Variants in OLFM2 observed in about 807,000 individuals in gnomAD.
OLFM2 encodes olfactomedin 2.
In OLFM2, 20 loss-of-function variants were observed where a neutral mutation model predicts 43.9. That is an observed-to-expected ratio of 0.46 (90% confidence interval 0.32 to 0.66). The LOEUF (loss-of-function observed/expected upper bound fraction) is 0.66. OLFM2 is among the 30% of genes least tolerant of loss of function. The pLI is 0.04. For missense variants in OLFM2, 416 were observed against 643.6 expected, an observed-to-expected ratio of 0.65 and a Z score of 3.83; for synonymous variants, 268 against 278.6, an observed-to-expected ratio of 0.96 and a Z score of 0.38.
intron 1 of OLFM2, among the ~76,000 whole-genome samples, chr19:9,927,153 G>A (rs760413769): frequency 5.9e-5 from 9 of 151,504 alleles, no homozygotes; most frequent in Admixed American, 3.3e-4. Context: ...GTGGTAGCAC[G>A]CGCCTGTTAA....
At position 9,869,644 on chromosome 19, in the gene OLFM2, T is replaced by C. The variant is rs150967828; in HGVS notation, c.64-8850A>G. On this transcript the variant is annotated intron_variant, in intron 1 of 5. Coordinates refer to ENST00000264833, the MANE Select transcript of OLFM2 (RefSeq NM_058164.4). ...TATTTTTATTTTTTAAGAGACAGGG[T>C]GTCACTCTATCGTCCAGGCTGGAGT... Among the ~76,000 whole-genome samples the C allele has an allele frequency of 6.8e-4, 104 of 152,272 alleles. No homozygotes were observed. The East Asian group carries it at 0.019, about 27-fold the overall frequency.
intron 1 of OLFM2, among the ~76,000 whole-genome samples, chr19:9,908,768 G>C (rs981656141): frequency 2.0e-5 from 3 of 151,728 alleles, no homozygotes. Context: ...TGAGCCACCG[G>C]GTTTCACCAT....
In OLFM2 at chr19:9,856,007, C is replaced by A. The variant is rs2046314079; in HGVS notation, c.687+800G>T. 1.3e-5 allele frequency among the ~76,000 whole-genome samples: 2 copies of A among 152,174 alleles called. No homozygotes were observed. The highest frequency in any genetic ancestry group is 2.9e-5 in the Non-Finnish European group (2 of 68,042). ...GATAAGACATCACTTGAATTCACTG[C>A]CATGGTTAACTAACCCCTGTCACCA... On this transcript the variant is annotated intron_variant, in intron 5 of 5. Coordinates refer to ENST00000264833, the MANE Select transcript of OLFM2 (RefSeq NM_058164.4). This position sits in a 1 kb window ranked among gnomAD's most constrained non-coding sequence, Gnocchi z 4.0.
chr19:9,928,678 G>A (rs1263082227), intron 1 of OLFM2, among the ~76,000 whole-genome samples: 1 of 151,774 alleles, frequency 6.6e-6, no homozygotes. Flanking sequence ...GGTGGTGCAC[G>A]CCTGTAGTCC....
chr19:9,922,934 A>G (rs1244823073), intron 1 of OLFM2, among the ~76,000 whole-genome samples: 1 of 151,698 alleles, frequency 6.6e-6, no homozygotes, highest in South Asian at 2.1e-4. Context: ...AAGAAAGAAA[A>G]AAAGAAAAGA....
chr19:9,867,307 G>A (rs566181871), intron 1 of OLFM2, among the ~76,000 whole-genome samples: 287 of 152,254 alleles, frequency 1.9e-3, no homozygotes, highest in African/African-American at 6.7e-3. Context: ...GGAGGCAGAG[G>A]TTGCAGTGAG....
At chr19:9,932,206 T>C (rs1246512012) in intron 1 of OLFM2, among the ~76,000 whole-genome samples, 1 of 151,964 alleles carries the variant, frequency 6.6e-6, no homozygotes, top group African/African-American at 2.4e-5. Context: ...ATGCCTATAA[T>C]CCCAGCACTT....
chr19:9,891,616 CAA>C (rs1373918070), intron 1 of OLFM2, among the ~76,000 whole-genome samples: 19 of 107,494 alleles, frequency 1.8e-4, no homozygotes, highest in Admixed American at 2.0e-4. Flanking sequence ...GACTCCATCT[CAA>C]AAAAAAAAAA....
intron 1 of OLFM2, among the ~76,000 whole-genome samples, chr19:9,905,567 G>A (rs1022245123): frequency 1.3e-5 from 2 of 151,840 alleles, no homozygotes; most frequent in Non-Finnish European, 1.5e-5. Flanking sequence ...CTGGAACCCG[G>A]GAGGTGGAGG....
rs556436542 is a variant in OLFM2, at chr19:9,854,561, G to C, written c.990C>G (p.Ser330Arg). The C allele has an allele frequency of 6.2e-7, 1 of 1,613,830 alleles. No homozygotes were observed. The highest frequency in any genetic ancestry group is 8.5e-7 in the Non-Finnish European group (1 of 1,180,036). Residue 330 changes from serine to arginine, a missense_variant, in exon 6 of 6, where the codon AGC becomes AGG. By Grantham distance (110) the Ser-to-Arg change is moderately radical. Coordinates refer to ENST00000264833, the MANE Select transcript of OLFM2 (RefSeq NM_058164.4). This position sits in a 1 kb window ranked among gnomAD's most constrained non-coding sequence, Gnocchi z 9.5. Reference protein sequence around the residue: ...FSDMDFMVDESGLWAVYTTNQ... With the variant: ...FSDMDFMVDERGLWAVYTTNQ... ...TGGTGGTGTACACAGCCCAGAGCCC[G>C]CTCTCGTCCACCATGAAGTCCATGT...
chr19:9,874,110 T>C (rs1309879467), intron 1 of OLFM2, among the ~76,000 whole-genome samples: 1 of 152,164 alleles, frequency 6.6e-6, no homozygotes, highest in Non-Finnish European at 1.5e-5. Context: ...CGTGCATCCA[T>C]TACTATTAAC....
intron 1 of OLFM2, among the ~76,000 whole-genome samples, chr19:9,897,327 CAAA>C (rs1160281673): frequency 3.2e-5 from 3 of 93,386 alleles, no homozygotes; most frequent in Non-Finnish European, 4.2e-5. Context: ...GACTTCGTCT[CAAA>C]AAAAAAAAAA....
At chr19:9,896,464 T>G (rs544090026) in intron 1 of OLFM2, among the ~76,000 whole-genome samples, 1 of 152,266 alleles carries the variant, frequency 6.6e-6, no homozygotes, top group East Asian at 1.9e-4. Context: ...GTGGCACAAG[T>G]GTAGCTTACT....
chr19:9,872,684 A>G (rs1310156260), intron 1 of OLFM2, among the ~76,000 whole-genome samples: 1 of 152,140 alleles, frequency 6.6e-6, no homozygotes, highest in Non-Finnish European at 1.5e-5. Flanking sequence ...TCATCCATCC[A>G]TTCATTCACC....
chr19:9,904,147 ATTGT>A (rs1334408200), intron 1 of OLFM2, among the ~76,000 whole-genome samples: 76 of 116,722 alleles, frequency 6.5e-4, no homozygotes, highest in Non-Finnish European at 1.2e-3. Flanking sequence ...CAGGCTGAGT[ATTGT>A]TTGTGTGTGT....
At chr19:9,922,865 C>T (rs777397889) in intron 1 of OLFM2, among the ~76,000 whole-genome samples, 2 of 147,674 alleles carry the variant, frequency 1.4e-5, no homozygotes, top group Non-Finnish European at 3.0e-5. Context: ...GAGCACAGAT[C>T]GTGCCACAGC....
chr19:9,933,041 C>T (rs1286136788), intron 1 of OLFM2, among the ~76,000 whole-genome samples: 2 of 152,196 alleles, frequency 1.3e-5, no homozygotes, highest in Non-Finnish European at 1.5e-5. Context: ...CCAGCGTCCA[C>T]ACTGCTTCTG....
chr19:9,934,382 C>G (rs1301552251), intron 1 of OLFM2, among the ~76,000 whole-genome samples: 1 of 152,254 alleles, frequency 6.6e-6, no homozygotes, highest in East Asian at 1.9e-4. Context: ...CCTCGTTAGT[C>G]CCGCCCCCAA....
At chr19:9,855,228 T>C (rs1449000439) in intron 5 of OLFM2, among the ~76,000 whole-genome samples, 1 of 151,836 alleles carries the variant, frequency 6.6e-6, no homozygotes, top group Non-Finnish European at 1.5e-5. Context: ...TTGGTCTTTT[T>C]TTTTTTTAAG....
Sources: allele counts gnomAD v4.1 joint callset (sites outside exome capture counted in the v4.1 genomes callset), GRCh38; gene constraint gnomAD v4.1.1; non-coding constraint Gnocchi (gnomAD v3.1); transcripts MANE v1.5; gene names NCBI Gene and HGNC (gene_info 2026-07-23, HGNC 2026-07-21).